Variants in MAPK9 observed in about 807,000 individuals in gnomAD.
The protein encoded by MAPK9 is mitogen-activated protein kinase 9.
Under a neutral mutation model 57.1 loss-of-function variants are expected in MAPK9, and 30 were observed. The ratio of observed to expected loss-of-function variants is 0.53; its 90% CI spans 0.39 to 0.71. The LOEUF (loss-of-function observed/expected upper bound fraction) is 0.71, where lower values mean the gene tolerates loss of function less well. Ranked by LOEUF, MAPK9 falls within the 30% of genes least tolerant of loss-of-function variation. The pLI is 0.00. For synonymous variants in MAPK9, 155 were observed against 177.0 expected (o/e 0.88, Z 0.99); for missense variants, 362 against 521.0 (o/e 0.69, Z 2.97).
intron 3 of MAPK9, among the ~76,000 whole-genome samples, chr5:180,267,339 A>C (rs570023669): frequency 2.0e-5 from 3 of 152,150 alleles, no homozygotes; most frequent in Non-Finnish European, 2.9e-5. Flanking sequence ...AGGCAGGCAG[A>C]TCACGAGGTC....
At chr5:180,254,924 C>T (rs1759107326) in intron 5 of MAPK9, among the ~76,000 whole-genome samples, 1 of 152,132 alleles carries the variant, frequency 6.6e-6, no homozygotes, top group South Asian at 2.1e-4. Flanking sequence ...GTCCTAGCCA[C>T]TAGGGAGGCT....
chr5:180,268,471 G>C (rs984883740), intron 3 of MAPK9, among the ~76,000 whole-genome samples: 10 of 152,158 alleles, frequency 6.6e-5, no homozygotes, highest in Non-Finnish European at 1.3e-4. Context: ...TTGGTTAAGT[G>C]ACCTAAATTC....
intron 1 of MAPK9, among the ~76,000 whole-genome samples, chr5:180,290,046 C>CAG (rs80107165): frequency 0.95 from 144,570 of 152,224 alleles, 68,734 homozygotes; most frequent in East Asian, 1. Flanking sequence ...TTTGTAGAGA[C>CAG]AGATCTCGCT....
At chr5:180,275,186 C>T (rs997750478) in intron 2 of MAPK9, among the ~76,000 whole-genome samples, 4 of 152,174 alleles carry the variant, frequency 2.6e-5, no homozygotes, top group Non-Finnish European at 4.4e-5. Context: ...TGTGCCTAGA[C>T]TGGGCCTTGC....
intron 2 of MAPK9, chr5:180,279,797 T>G: frequency 2.2e-6 from 1 of 456,270 alleles, no homozygotes; most frequent in Middle Eastern, 3.4e-4. Flanking sequence ...GAGCTTTACC[T>G]TGAGCTGGCC....
At chr5:180,268,140 A>G (rs1021137449) in intron 3 of MAPK9, among the ~76,000 whole-genome samples, 7 of 152,180 alleles carry the variant, frequency 4.6e-5, no homozygotes, top group African/African-American at 1.4e-4. Context: ...TTGTAATTTT[A>G]TAACATGGCA....
chr5:180,242,065 C>A (rs935943511), intron 8 of MAPK9, among the ~76,000 whole-genome samples: 12 of 152,204 alleles, frequency 7.9e-5, no homozygotes, highest in African/African-American at 2.9e-4. Flanking sequence ...ATAAGGCTCA[C>A]CTAGGTTTTG....
At position 180,241,142 on chromosome 5, in the gene MAPK9, T is replaced by C. The variant is rs747684606; in HGVS notation, c.885A>G (p.Arg295=). Residue 295 remains arginine, a synonymous_variant, in exon 9 of 12, where the codon AGA becomes AGG. Transcript: ENST00000452135. Reference sequence around the variant, plus strand: ...TCACTAACATTTTTGATAACAGATCTCTGGCTTGACTTGCTAGGGTGACAA... The same window carrying C: ...TCACTAACATTTTTGATAACAGATCCCTGGCTTGACTTGCTAGGGTGACAA... The part of the protein sequence containing the change: ...ERDKIKTSQA[R]DLLSKMLVID... 1.9e-6 allele frequency: 3 copies of C among 1,613,226 alleles called. No individual in the cohort carries two copies. Among genetic ancestry groups the C allele is most frequent in the Non-Finnish European group, 2.5e-6 (3 of 1,179,674 alleles).
At chr5:180,237,023 G>A (rs1383439301) in intron 11 of MAPK9, 2 of 152,080 alleles carry the variant, frequency 1.3e-5, no homozygotes, top group East Asian at 1.9e-4. Context: ...ACCAGAAAAA[G>A]GAAAAAAATT....
chr5:180,257,234 G>A (rs955233888), intron 5 of MAPK9, among the ~76,000 whole-genome samples: 2 of 152,298 alleles, frequency 1.3e-5, no homozygotes, highest in Non-Finnish European at 2.9e-5. Context: ...TCTGTGGGTC[G>A]GTGGGCTCTA....
rs566847979 is a variant in MAPK9, at chr5:180,267,949, G to A, written c.252+1331C>T. On this transcript the variant is annotated intron_variant, in intron 3 of 11. Transcript: ENST00000452135. Reference sequence around the variant, plus strand: ...GCTATCTCAGCTCACTGCAAGCTCTGCCTCCCGGGTTCATGCCATTCTCCC... The same window carrying A: ...GCTATCTCAGCTCACTGCAAGCTCTACCTCCCGGGTTCATGCCATTCTCCC... Among the ~76,000 whole-genome samples the A allele has an allele frequency of 6.2e-4, 95 of 152,206 alleles. No individual in the cohort carries two copies. In the East Asian group the frequency reaches 0.014, roughly 23 times the overall value.
At position 180,247,942 on chromosome 5, in the gene MAPK9, G is replaced by A; in HGVS notation, c.617-432C>T. On this transcript the variant is annotated intron_variant, in intron 6 of 11. Transcript: ENST00000452135. The surrounding 1 kb of genome is among the most constrained non-coding windows in gnomAD (Gnocchi z 4.5). ...CAGATGTCCACTACCAAACACCAGG[G>A]GATTAAAAACCAGCTAGAGTCCCCC... The A allele has an allele frequency of 6.2e-7, 1 of 1,610,960 alleles. No homozygotes were observed. The highest frequency in any genetic ancestry group is 2.2e-5 in the East Asian group (1 of 44,866).
intron 1 of MAPK9, among the ~76,000 whole-genome samples, chr5:180,286,654 G>A (rs528616194): frequency 3.2e-4 from 48 of 151,832 alleles, no homozygotes; most frequent in African/African-American, 1.1e-3. Flanking sequence ...CCCACTTCCA[G>A]GCACCCAGGC....
At chr5:180,285,905 C>T (rs1189069864) in intron 1 of MAPK9, among the ~76,000 whole-genome samples, 3 of 151,254 alleles carry the variant, frequency 2.0e-5, no homozygotes, top group Admixed American at 6.6e-5. Flanking sequence ...GGTGAAACTC[C>T]GTCTCTACTA....
chr5:180,288,836 C>A (rs552141190), intron 1 of MAPK9, among the ~76,000 whole-genome samples: 2 of 152,268 alleles, frequency 1.3e-5, no homozygotes, highest in South Asian at 4.1e-4. Flanking sequence ...CAAGTGGATA[C>A]CATTAGAGAT....
At chr5:180,265,576 G>A (rs970705150) in intron 3 of MAPK9, among the ~76,000 whole-genome samples, 1 of 152,184 alleles carries the variant, frequency 6.6e-6, no homozygotes, top group Non-Finnish European at 1.5e-5. Flanking sequence ...CGCCATGATT[G>A]CAAGTTTCCT....
At chr5:180,239,799 A>C in intron 10 of MAPK9, 125 bp downstream of exon 10, 4 of 808,892 alleles carry the variant, frequency 4.9e-6, no homozygotes, top group Non-Finnish European at 8.2e-6. Context: ...GGGGAGAAAG[A>C]GGCTAAGTGG....
chr5:180,265,172 C>A (rs561278271), intron 3 of MAPK9, among the ~76,000 whole-genome samples: 22 of 152,172 alleles, frequency 1.4e-4, no homozygotes, highest in Admixed American at 3.9e-4. Context: ...TTAAATACTA[C>A]GCACAAATTT....
chr5:180,275,561 A>G (rs1351221086), intron 2 of MAPK9, among the ~76,000 whole-genome samples: 1 of 152,216 alleles, frequency 6.6e-6, no homozygotes, highest in Non-Finnish European at 1.5e-5. Flanking sequence ...CAAGGGAAAG[A>G]CAGCCCCACA....
Sources: gnomAD v4.1 joint callset for allele counts (sites outside exome capture counted in the v4.1 genomes callset) on GRCh38, gnomAD v4.1.1 for gene constraint, Gnocchi (gnomAD v3.1) non-coding constraint, MANE v1.5 for transcripts, NCBI Gene and HGNC (gene_info 2026-07-23, HGNC 2026-07-21) for gene names.